The following NELL2 variants were observed in gnomAD, a reference collection of about 807,000 sequenced individuals.
NELL2 encodes the protein protein kinase C-binding protein NELL2.
In NELL2, 41 loss-of-function variants were observed where a neutral mutation model predicts 109.6. The ratio of observed to expected loss-of-function variants is 0.37; its 90% CI spans 0.29 to 0.49. The LOEUF (loss-of-function observed/expected upper bound fraction) is 0.49. NELL2 is among the 20% of genes least tolerant of loss of function. The pLI is 0.98. For synonymous variants in NELL2, 355 were observed against 344.7 expected (o/e 1.03, Z -0.33); for missense variants, 900 against 1,008.3 (o/e 0.89, Z 1.45).
At chr12:44,771,179 C>T (rs1157118691) in intron 9 of NELL2, among the ~76,000 whole-genome samples, 2 of 151,834 alleles carry the variant, frequency 1.3e-5, no homozygotes, top group Non-Finnish European at 2.9e-5. Context: ...AGCCTGAGAC[C>T]GGGATAAAGG....
chr12:44,861,335 G>T (rs781433912), intron 2 of NELL2, among the ~76,000 whole-genome samples: 3 of 152,140 alleles, frequency 2.0e-5, no homozygotes, highest in Non-Finnish European at 2.9e-5. Flanking sequence ...ACTCTAGGCT[G>T]GTACCCACAG....
At chr12:44,521,574 C>T (rs1941544358) in intron 18 of NELL2, among the ~76,000 whole-genome samples, 3 of 149,958 alleles carry the variant, frequency 2.0e-5, no homozygotes, top group Admixed American at 2.0e-4. Context: ...GGCGGAGTTG[C>T]TTTGTTTTTT....
At chr12:44,794,685 C>T (rs1374836460) in intron 3 of NELL2, among the ~76,000 whole-genome samples, 1 of 152,150 alleles carries the variant, frequency 6.6e-6, no homozygotes, top group South Asian at 2.1e-4. Context: ...CTAACCAACA[C>T]ATTAAAATTA....
chr12:44,745,021 T>C (rs1362088394), intron 9 of NELL2, among the ~76,000 whole-genome samples: 1 of 152,180 alleles, frequency 6.6e-6, no homozygotes, highest in African/African-American at 2.4e-5. Context: ...TTTACACCAA[T>C]ATCCTTGATG....
In NELL2 at chr12:44,896,643, T is replaced by C. The variant is rs183157393; in HGVS notation, c.38+17156A>G. Among the ~76,000 whole-genome samples the C allele has an allele frequency of 4.8e-3, 734 of 152,288 alleles. 1 individual carries two copies. The highest frequency in any genetic ancestry group is 0.024 in the Middle Eastern group (7 of 294). On this transcript the variant is annotated intron_variant, in intron 1 of 20. Coordinates refer to the NELL2 transcript ENST00000333837. ...ATTTTATAAGAAAAATATCACTTAA[T>C]GTACTAGATGAGCACAAGAAACAAA...
At chr12:44,580,511 G>A (rs1944285166) in intron 15 of NELL2, among the ~76,000 whole-genome samples, 1 of 152,160 alleles carries the variant, frequency 6.6e-6, no homozygotes, top group Admixed American at 6.5e-5. Context: ...GAGCTCGGGA[G>A]TTCGAAACCA....
At chr12:44,866,790 A>G (rs1945013458) in intron 2 of NELL2, among the ~76,000 whole-genome samples, 1 of 152,108 alleles carries the variant, frequency 6.6e-6, no homozygotes. Flanking sequence ...ATGAAAGAAG[A>G]GACATTATTA....
At chr12:44,886,245 T>C (rs1945472542) in intron 1 of NELL2, among the ~76,000 whole-genome samples, 1 of 151,902 alleles carries the variant, frequency 6.6e-6, no homozygotes, top group Non-Finnish European at 1.5e-5. Context: ...ATAAAACTTT[T>C]AGAATAAAAT....
intron 2 of NELL2, among the ~76,000 whole-genome samples, chr12:44,828,357 T>C (rs1337856127): frequency 7.2e-5 from 11 of 152,116 alleles, no homozygotes; most frequent in Non-Finnish European, 1.6e-4. Context: ...AAACATACTC[T>C]TAGAAAACCA....
intron 3 of NELL2, among the ~76,000 whole-genome samples, chr12:44,785,203 GT>G (rs1942117812): frequency 6.6e-6 from 1 of 152,178 alleles, no homozygotes; most frequent in Admixed American, 6.5e-5. Context: ...CAAAATCAAT[GT>G]GCAAAGATCA....
chr12:44,771,136 T>C (rs185132147), intron 9 of NELL2, among the ~76,000 whole-genome samples: 1 of 152,278 alleles, frequency 6.6e-6, no homozygotes, highest in East Asian at 1.9e-4. Context: ...ATCTTGAATA[T>C]GTGTCACTAA....
intron 1 of NELL2, among the ~76,000 whole-genome samples, chr12:44,909,963 A>T (rs1269696474): frequency 1.3e-5 from 2 of 151,884 alleles, no homozygotes; most frequent in Non-Finnish European, 2.9e-5. Flanking sequence ...ATCTTTTACC[A>T]CATACAAAAA....
intron 12 of NELL2, among the ~76,000 whole-genome samples, chr12:44,681,281 T>C (rs1948490001): frequency 7.5e-6 from 1 of 133,250 alleles, no homozygotes; most frequent in Non-Finnish European, 1.5e-5. Context: ...CTAGTTTTGT[T>C]TTTTTTTTAA....
At chr12:44,582,921 TA>T (rs1944372793) in intron 15 of NELL2, among the ~76,000 whole-genome samples, 1 of 152,154 alleles carries the variant, frequency 6.6e-6, no homozygotes, top group South Asian at 2.1e-4. Context: ...TGTGCTTGTA[TA>T]AAAGAAAGTT....
intron 2 of NELL2, among the ~76,000 whole-genome samples, chr12:44,836,588 G>A (rs544454201): frequency 6.6e-6 from 1 of 152,312 alleles, no homozygotes; most frequent in East Asian, 1.9e-4. Flanking sequence ...AGGGATCCCA[G>A]CCCTGATAGA....
chr12:44,774,827 G>C lies in NELL2; in HGVS notation c.914C>G (p.Thr305Ser). ...TCLNGTIQCE[T>S]LICPNPDCPL... is the part of the protein sequence containing the mutation. ...GCAGTCAGGATTTGGGCAGATTAGA[G>C]TTTCACACTGGATGGTTCCATTCTG... The change falls in exon 9 of 20, where the codon ACT becomes AGT. Residue 305 changes from threonine to serine, a missense_variant. By Grantham distance (58) the Thr-to-Ser change is moderately conservative. Transcript: ENST00000429094. 1 of 1,613,734 alleles carries C rather than the reference G, an allele frequency of 6.2e-7. No individual in the cohort carries two copies. The highest frequency in any genetic ancestry group is 8.5e-7 in the Non-Finnish European group (1 of 1,179,608).
At chr12:44,629,615 G>A (rs7961698) in intron 13 of NELL2, among the ~76,000 whole-genome samples, 26,092 of 152,106 alleles carry the variant, frequency 0.17, 3,461 homozygotes, top group African/African-American at 0.37. Flanking sequence ...CAATGAAATA[G>A]TGCATTGAGA....
chr12:44,706,408 A>T (rs1361671857), intron 11 of NELL2, among the ~76,000 whole-genome samples: 2 of 152,152 alleles, frequency 1.3e-5, no homozygotes, highest in Non-Finnish European at 2.9e-5. Context: ...GCTTTAAACA[A>T]ATCAGAGTAT....
Position 44,777,106 on chromosome 12 carries a change from T to A in NELL2, c.698A>T (p.Asp233Val). The A allele has an allele frequency of 6.2e-7, 1 of 1,614,066 alleles. No homozygotes were observed. Residue 233 changes from aspartate (D) to valine (V), a missense_variant, in exon 7 of 20, where the codon GAC (aspartate) becomes GTC (valine). By Grantham distance (152) the Asp-to-Val change is radical (BLOSUM62 -3). Transcript: ENST00000429094. ...DLNRTCPTCNDFHGLVQKIME... is the reference protein window; with the variant it reads ...DLNRTCPTCNVFHGLVQKIME... ...GATTTTCTGCACAAGTCCATGGAAG[T>A]CATTGCAAGTTGGACAGGCTGGAAT...
Sources: allele counts gnomAD v4.1 joint callset (sites outside exome capture counted in the v4.1 genomes callset), GRCh38; gene constraint gnomAD v4.1.1; transcripts MANE v1.5; gene names NCBI Gene and HGNC (gene_info 2026-07-23, HGNC 2026-07-21).